Variants in ABLIM3 observed in about 807,000 individuals in gnomAD.
ABLIM3 encodes actin binding LIM protein family member 3.
ABLIM3 carries 61 observed loss-of-function variants against 109.5 expected under a neutral mutation model. The observed-to-expected ratio is 0.56, with a 90% CI of 0.45 to 0.69. ABLIM3 has a LOEUF of 0.69. Ranked by LOEUF, ABLIM3 falls within the 30% of genes least tolerant of loss-of-function variation. ABLIM3 has a pLI of 0.00. For missense variants in ABLIM3, 796 were observed against 889.5 expected, an observed-to-expected ratio of 0.89 and a Z score of 1.34; for synonymous variants, 300 against 324.8, an observed-to-expected ratio of 0.92 and a Z score of 0.82.
chr5:149,159,948 C>A (rs992065763), intron 2 of ABLIM3, among the ~76,000 whole-genome samples: 1 of 152,170 alleles, frequency 6.6e-6, no homozygotes, highest in East Asian at 1.9e-4. Flanking sequence ...CAGCCCTCTC[C>A]CATCCTTGTA....
intron 23 of ABLIM3, among the ~76,000 whole-genome samples, chr5:149,256,709 GGCTTTGCTTTAAAATATTTCAGA>G (rs1754456448): frequency 6.6e-6 from 1 of 152,198 alleles, no homozygotes; most frequent in Non-Finnish European, 1.5e-5. Flanking sequence ...ACAATGTCTA[GGCTTTGCTTTAAAATATTTCAGA>G]AAATAAAATA....
chr5:149,163,199 C>A (rs1191908197), intron 2 of ABLIM3, among the ~76,000 whole-genome samples: 1 of 152,042 alleles, frequency 6.6e-6, no homozygotes, highest in Non-Finnish European at 1.5e-5. Context: ...TGAATGTATC[C>A]CCCTGGCTAC....
rs569417433 is a variant in ABLIM3, at chr5:149,198,624, G to A, written c.335+222G>A. On this transcript the variant is annotated intron_variant, in intron 4 of 23. Transcript: ENST00000309868. The surrounding 1 kb of genome is among the most constrained non-coding windows in gnomAD (Gnocchi z 4.2). ...ACAATCTGATCTAAAACACTGGTTT[G>A]TCCTGTGATAGAGGCAGAGTGAGGA... Among the ~76,000 whole-genome samples, 1 of 152,328 alleles carries A rather than the reference G, an allele frequency of 6.6e-6. No individual in the cohort carries two copies. Among genetic ancestry groups the A allele is most frequent in the South Asian group, 2.1e-4 (1 of 4,822 alleles).
Position 149,258,309 on chromosome 5 carries a change from G to A in ABLIM3, c.1957G>A (p.Glu653Lys), listed in dbSNP as rs751455888. The change falls in exon 24 of 24, where the codon GAG (glutamate) becomes AAG (lysine). Residue 653 changes from glutamate to lysine, a missense_variant. Transcript: ENST00000309868. ...CCTTCAGCGCCACCTGTCCCAGGAA[G>A]AGTTCTACCAAGTCTTTGGCATGAC... Reference protein sequence around the residue: ...TRLERHLSQEEFYQVFGMTIS... With the variant: ...TRLERHLSQEKFYQVFGMTIS... 1.5e-5 allele frequency: 24 copies of A among 1,613,522 alleles called. No homozygotes were observed. Among genetic ancestry groups the A allele is most frequent in the Non-Finnish European group, 2.0e-5 (24 of 1,179,914 alleles).
intron 18 of ABLIM3, among the ~76,000 whole-genome samples, chr5:149,248,518 G>A (rs886077082): frequency 1.3e-5 from 2 of 151,686 alleles, no homozygotes; most frequent in Non-Finnish European, 2.9e-5. Context: ...GGTGAAACCC[G>A]GTCTTTACTA....
chr5:149,220,882 T>C (rs913442830), intron 8 of ABLIM3: 1 of 152,230 alleles, frequency 6.6e-6, no homozygotes, highest in Non-Finnish European at 1.5e-5. Context: ...CTGCTACATG[T>C]TGGGCATTCA....
At chr5:149,197,979 G>A (rs1340372628) in intron 3 of ABLIM3, among the ~76,000 whole-genome samples, 2 of 151,894 alleles carry the variant, frequency 1.3e-5, no homozygotes, top group Non-Finnish European at 2.9e-5. Flanking sequence ...GATGCTAGTG[G>A]CCTACTGGCC....
intron 3 of ABLIM3, among the ~76,000 whole-genome samples, chr5:149,191,017 C>T (rs999961221): frequency 2.0e-5 from 3 of 151,950 alleles, no homozygotes; most frequent in South Asian, 2.1e-4. Context: ...GTTCAAAAAC[C>T]GTGAACTAAG....
intron 8 of ABLIM3, among the ~76,000 whole-genome samples, chr5:149,223,421 T>A (rs563867129): frequency 1.8e-4 from 28 of 152,326 alleles, no homozygotes; most frequent in African/African-American, 6.3e-4. Flanking sequence ...TTGTCAGATA[T>A]TCAGGTTTTA....
At chr5:149,233,200 C>A in intron 9 of ABLIM3, 29 bp from the exon 10 acceptor site, 1 of 1,612,442 alleles carries the variant, frequency 6.2e-7, no homozygotes, top group Non-Finnish European at 8.5e-7. Context: ...TGCAGCTTCT[C>A]ACCTTTTCTG....
rs113116791 is a variant in ABLIM3, at chr5:149,205,062, G to A, written c.449-1946G>A. Among the ~76,000 whole-genome samples the A allele has an allele frequency of 9.8e-3, 1,492 of 152,278 alleles. 18 individuals carry two copies. Among genetic ancestry groups the A allele is most frequent in the African/African-American group, 0.034 (1,426 of 41,546 alleles). ...GAATCCACAAGTGAATTTGATCACT[G>A]GATGATCATGTCAAGCAAGAAAAAG... On this transcript the variant is annotated intron_variant, in intron 5 of 23. Coordinates refer to ENST00000309868, the MANE Select transcript of ABLIM3 (RefSeq NM_014945.5).
intron 2 of ABLIM3, among the ~76,000 whole-genome samples, chr5:149,173,586 G>T (rs907318733): frequency 6.6e-6 from 1 of 152,126 alleles, no homozygotes; most frequent in South Asian, 2.1e-4. Flanking sequence ...GGTCACAAGG[G>T]GTGGCACTCC....
chr5:149,252,471 A>G, intron 22 of ABLIM3: 3 of 552,334 alleles, frequency 5.4e-6, no homozygotes, highest in Non-Finnish European at 9.6e-6. Context: ...CAAATATTAG[A>G]CACTTACATT....
intron 5 of ABLIM3, among the ~76,000 whole-genome samples, chr5:149,206,355 G>T (rs1758967972): frequency 6.6e-6 from 1 of 152,182 alleles, no homozygotes; most frequent in Non-Finnish European, 1.5e-5. Context: ...AATGGGGAAG[G>T]GGTGGGTGTG....
chr5:149,240,131 G>A (rs112362804), intron 13 of ABLIM3, among the ~76,000 whole-genome samples: 6 of 152,340 alleles, frequency 3.9e-5, no homozygotes, highest in African/African-American at 1.4e-4. Flanking sequence ...TTCCAGGAGA[G>A]GGGGCTGGCA....
chr5:149,249,128 C>T (rs542835977), intron 18 of ABLIM3, among the ~76,000 whole-genome samples: 62 of 152,286 alleles, frequency 4.1e-4, no homozygotes, highest in African/African-American at 1.3e-3. Context: ...AAGTCAAAAG[C>T]CAGTAAGTGA....
At position 149,200,343 on chromosome 5, in the gene ABLIM3, G is replaced by A. The variant is rs1758375845; in HGVS notation, c.363G>A (p.Val121=). 1 of 1,614,114 alleles carries A rather than the reference G, an allele frequency of 6.2e-7. No homozygotes were observed. The highest frequency in any genetic ancestry group is 1.1e-5 in the South Asian group (1 of 91,086). The part of the protein sequence containing the change: ...CRKPFPIGDK[V]TFSGKECVCQ... ...AGCCTTTCCCCATTGGAGACAAGGT[G>A]ACCTTCAGCGGTAAAGAATGTGTGT... is the stretch of plus-strand genomic sequence containing the variant. Residue 121 remains valine, a synonymous_variant, in exon 5 of 24, where the codon GTG becomes GTA. Coordinates refer to ENST00000309868, the MANE Select transcript of ABLIM3 (RefSeq NM_014945.5).
chr5:149,166,086 A>G lies in ABLIM3; in HGVS notation c.14-17366A>G, dbSNP rs566516301. 1.7e-4 allele frequency among the ~76,000 whole-genome samples: 26 copies of G among 152,292 alleles called. 1 individual carries two copies. In the South Asian group the frequency reaches 4.1e-3, roughly 24 times the overall value. On this transcript the variant is annotated intron_variant, in intron 2 of 23. Coordinates refer to ENST00000309868, the MANE Select transcript of ABLIM3 (RefSeq NM_014945.5). Reference sequence around the variant, plus strand: ...AGTATTCTTTTCGTTTATTTTTTAAATATTTGAGCCAAGATATAAAAACTG... The same window carrying G: ...AGTATTCTTTTCGTTTATTTTTTAAGTATTTGAGCCAAGATATAAAAACTG...
In ABLIM3 at chr5:149,230,691, C is replaced by A. The variant is rs755871981; in HGVS notation, c.800C>A (p.Ala267Glu). The change falls in exon 9 of 24, where the codon GCA becomes GAA. Residue 267 changes from alanine to glutamate, a missense_variant. Physicochemically the swap from Ala to Glu is moderately radical, Grantham distance 107. Transcript: ENST00000309868. ...WHPICKQAARAEKKLKHRRTS... is the reference protein window; with the variant it reads ...WHPICKQAAREEKKLKHRRTS... Reference sequence around the variant, plus strand: ...CCCATCTGCAAACAGGCAGCCCGGGCAGAGAAGAAGTTAAAGGTAAGCAAG... The same window carrying A: ...CCCATCTGCAAACAGGCAGCCCGGGAAGAGAAGAAGTTAAAGGTAAGCAAG... 4.3e-6 allele frequency: 7 copies of A among 1,614,048 alleles called. No homozygotes were observed. The highest frequency in any genetic ancestry group is 2.2e-5 in the East Asian group (1 of 44,870).
Sources: allele counts gnomAD v4.1 joint callset (sites outside exome capture counted in the v4.1 genomes callset), GRCh38; gene constraint gnomAD v4.1.1; non-coding constraint Gnocchi (gnomAD v3.1); transcripts MANE v1.5; gene names NCBI Gene and HGNC (gene_info 2026-07-23, HGNC 2026-07-21).